Variants in TMX1 observed in about 807,000 individuals in gnomAD.
TMX1 encodes the protein thioredoxin related transmembrane protein 1.
Under a neutral mutation model 36.6 loss-of-function variants are expected in TMX1, and 25 were observed. The observed-to-expected ratio is 0.68, with a 90% CI of 0.50 to 0.95. TMX1 has a LOEUF of 0.95. Among genes scored for constraint, TMX1 ranks in the 40% least tolerant of loss-of-function variants. The pLI is 0.00. For synonymous variants in TMX1, 133 were observed against 118.0 expected, an observed-to-expected ratio of 1.13 and a Z score of -0.82; for missense variants, 347 against 339.6, an observed-to-expected ratio of 1.02 and a Z score of -0.17.
intron 1 of TMX1, 72 bp from the exon 2 acceptor site, chr14:51,243,784 A>G (rs2065772909): frequency 2.0e-6 from 2 of 990,064 alleles, no homozygotes; most frequent in East Asian, 3.1e-5. Flanking sequence ...ATACATTTAA[A>G]TTTTTTATCC....
chr14:51,256,685 T>G lies in TMX1; in HGVS notation c.*2166T>G, dbSNP rs2065840098. ...ATTATCAGAAAGACTGAAAAAAGTTTTAATGAAGAATTCTGGCTACATCTA... is the reference window on the plus strand; with the variant it reads ...ATTATCAGAAAGACTGAAAAAAGTTGTAATGAAGAATTCTGGCTACATCTA... On this transcript the variant is annotated 3_prime_UTR_variant, in exon 8 of 8. Coordinates refer to ENST00000457354, the MANE Select transcript of TMX1 (RefSeq NM_030755.5). 1 of 152,206 alleles carries G rather than the reference T, an allele frequency of 6.6e-6. No homozygotes were observed. The highest frequency in any genetic ancestry group is 2.1e-4 in the South Asian group (1 of 4,836). 9.4% of individuals were successfully genotyped at this position (152,206 alleles called of 1,614,324 possible). A position where few individuals can be genotyped will look rare whatever the true frequency, so the allele number is the denominator to read the frequency against.
intron 7 of TMX1, 138 bp downstream of exon 7, chr14:51,249,903 T>G: frequency 1.6e-6 from 1 of 630,922 alleles, no homozygotes; most frequent in South Asian, 2.4e-5. Flanking sequence ...AGCTATGGCA[T>G]AAAGGAAGGT....
chr14:51,244,919 C>G (rs574680491), intron 2 of TMX1, among the ~76,000 whole-genome samples: 3 of 152,098 alleles, frequency 2.0e-5, no homozygotes, highest in African/African-American at 7.2e-5. Context: ...TTAGCAGCAC[C>G]ATAAACTGCC....
rs945938203 is a variant in TMX1, at chr14:51,257,235, G to C, written c.*2716G>C. Reference sequence around the variant, plus strand: ...CTCGTGATGTTGGTTATTGCATAAAGTAAGTTATTGCAGTAAATGATGCTT... The same window carrying C: ...CTCGTGATGTTGGTTATTGCATAAACTAAGTTATTGCAGTAAATGATGCTT... On this transcript the variant is annotated 3_prime_UTR_variant, in exon 8 of 8. Coordinates refer to ENST00000457354, the MANE Select transcript of TMX1 (RefSeq NM_030755.5). 3.3e-5 allele frequency: 5 copies of C among 152,162 alleles called. No homozygotes were observed. Among genetic ancestry groups the C allele is most frequent in the African/African-American group, 1.2e-4 (5 of 41,440 alleles). 9.4% of individuals were successfully genotyped at this position (152,162 alleles called of 1,614,324 possible).
At chr14:51,249,637 C>T (rs2065802562) in intron 6 of TMX1, 56 bp from the exon 7 acceptor site, 11 of 1,593,958 alleles carry the variant, frequency 6.9e-6, no homozygotes, top group African/African-American at 2.7e-5. Flanking sequence ...AAAATAGTTA[C>T]ATTAGCTGTG....
chr14:51,241,895 C>T (rs373551512), intron 1 of TMX1, among the ~76,000 whole-genome samples: 12 of 152,236 alleles, frequency 7.9e-5, no homozygotes, highest in African/African-American at 2.6e-4. Flanking sequence ...TTTGGGAGGC[C>T]GAGGCCGGTG....
intron 1 of TMX1, 140 bp downstream of exon 1, chr14:51,240,584 C>G: frequency 7.9e-7 from 1 of 1,266,722 alleles, no homozygotes; most frequent in Non-Finnish European, 1.1e-6. Context: ...TGCAGCTCCC[C>G]AAACTCTTGG....
intron 7 of TMX1, among the ~76,000 whole-genome samples, 160 bp from the exon 8 acceptor site, chr14:51,254,180 GT>G (rs1468144565): frequency 6.6e-6 from 1 of 151,994 alleles, no homozygotes; most frequent in Non-Finnish European, 1.5e-5. Context: ...AATATTCATG[GT>G]TTTTTTTATC....
rs1016791135 is a variant in TMX1 at position 51,245,597 on chromosome 14, G to A, written c.314+239G>A. 4.3e-6 allele frequency: 4 copies of A among 940,902 alleles called. No homozygotes were observed. In the Admixed American group the frequency reaches 9.7e-5, roughly 23 times the overall value. The allele number at this position is 940,902 out of a possible 1,614,324, so 58.3% of individuals were successfully genotyped here. A position where few individuals can be genotyped will look rare whatever the true frequency, so the allele number is the denominator to read the frequency against. On this transcript the variant is annotated intron_variant, in intron 3 of 7. Transcript: ENST00000457354. ...TTGTTTTGGAAAGTGATGTTCTTGT[G>A]AAATGGTGTGATCCTGTTCAGCGTG... is the stretch of plus-strand genomic sequence containing the variant.
intron 4 of TMX1, among the ~76,000 whole-genome samples, chr14:51,247,557 C>G (rs1455770241): frequency 6.6e-6 from 1 of 152,032 alleles, no homozygotes; most frequent in Non-Finnish European, 1.5e-5. Flanking sequence ...CGGGGTTTCA[C>G]TGTGTTAGCC....
In TMX1 at chr14:51,249,729, A is replaced by C; in HGVS notation, c.628A>C (p.Lys210Gln). 1 of 1,613,564 alleles carries C rather than the reference A, an allele frequency of 6.2e-7. No homozygotes were observed. Among genetic ancestry groups the C allele is most frequent in the Non-Finnish European group, 8.5e-7 (1 of 1,179,682 alleles). The change falls in exon 7 of 8, where the codon AAA (lysine) becomes CAA (glutamine). Residue 210 changes from lysine to glutamine, a missense_variant. Coordinates refer to ENST00000457354, the MANE Select transcript of TMX1 (RefSeq NM_030755.5). ...TGTGGCAGATTGCCTTTGTCCTTCA[A>C]AAAGGCGCAGACCACAGCCGTACCC... ...IFVADCLCPS[K>Q]RRRPQPYPYP... is the part of the protein sequence containing the mutation.
chr14:51,252,349 C>G (rs1241998066), intron 7 of TMX1, among the ~76,000 whole-genome samples: 1 of 144,174 alleles, frequency 6.9e-6, no homozygotes, highest in Admixed American at 7.1e-5. Flanking sequence ...AATGCCTTTC[C>G]AAATCATTCA....
intron 7 of TMX1, among the ~76,000 whole-genome samples, chr14:51,253,636 TAA>T (rs1434860434): frequency 6.6e-6 from 1 of 152,200 alleles, no homozygotes; most frequent in Non-Finnish European, 1.5e-5. Context: ...AAGCTTAAGT[TAA>T]CTAGCAGCTG....
In TMX1 at chr14:51,255,842, T is replaced by C. The variant is rs757254524; in HGVS notation, c.*1323T>C. ...CAACTGACCATTACGTAGTAGACAA[T>C]TTCTGTAATGTCCCCTTCTTTCTAG... On this transcript the variant is annotated 3_prime_UTR_variant, in exon 8 of 8. Coordinates refer to ENST00000457354, the MANE Select transcript of TMX1 (RefSeq NM_030755.5). 1.3e-5 allele frequency: 2 copies of C among 152,322 alleles called. No individual in the cohort carries two copies. Among genetic ancestry groups the C allele is most frequent in the African/African-American group, 2.4e-5 (1 of 41,440 alleles). The allele number at this position is 152,322 out of a possible 1,614,324, so 9.4% of individuals were successfully genotyped here. A position where few individuals can be genotyped will look rare whatever the true frequency, so the allele number is the denominator to read the frequency against.
In TMX1 at chr14:51,249,748, C is replaced by CAAAA. The variant is rs1318542428; in HGVS notation, c.647_648insAAAA (p.Tyr217LysfsTer28). On this transcript the variant is annotated frameshift_variant, in exon 7 of 8. Transcript: ENST00000457354. LOFTEE classifies it high-confidence loss of function. ...CCTTCAAAAAGGCGCAGACCACAGC[C>CAAAA]GTACCCATACCCTTCAAGTAAGTAT... 6.2e-7 allele frequency: 1 copy of CAAAA among 1,611,002 alleles called. No homozygotes were observed. The highest frequency in any genetic ancestry group is 8.5e-7 in the Non-Finnish European group (1 of 1,177,982).
rs2065834894 is a variant in TMX1, at chr14:51,255,628, A to T, written c.*1109A>T. ...TAATGCTTGATGTTTTAAAATAATA[A>T]CATTTTTATATTTTTTAAAAGACAA... On this transcript the variant is annotated 3_prime_UTR_variant, in exon 8 of 8. Coordinates refer to ENST00000457354, the MANE Select transcript of TMX1 (RefSeq NM_030755.5). 1 of 152,066 alleles carries T rather than the reference A, an allele frequency of 6.6e-6. No individual in the cohort carries two copies. Among genetic ancestry groups the T allele is most frequent in the South Asian group, 2.1e-4 (1 of 4,832 alleles). 9.4% of individuals were successfully genotyped at this position (152,066 alleles called of 1,614,324 possible).
rs552210964 is a variant in TMX1 at position 51,240,745 on chromosome 14, A to G, written c.152+301A>G. On this transcript the variant is annotated intron_variant, in intron 1 of 7. Transcript: ENST00000457354. Reference sequence around the variant, plus strand: ...TCTGACATTTTTCATGACTTTGAGGATGCGACTGGGGCGCGGGGAGGGAGG... The same window carrying G: ...TCTGACATTTTTCATGACTTTGAGGGTGCGACTGGGGCGCGGGGAGGGAGG... Among the ~76,000 whole-genome samples, 10 of 152,308 alleles carry G rather than the reference A, an allele frequency of 6.6e-5. No homozygotes were observed. In the South Asian group the frequency reaches 2.1e-3, roughly 32 times the overall value.
rs1182819850 is a variant in TMX1 at position 51,249,674 on chromosome 14, A to T, written c.592-19A>T. 1 of 1,608,998 alleles carries T rather than the reference A, an allele frequency of 6.2e-7. No individual in the cohort carries two copies. Among genetic ancestry groups the T allele is most frequent in the East Asian group, 2.2e-5 (1 of 44,806 alleles). ...CATATATTCTACATTCAGATTTCTTACAATGTTTATTTTTACAGTGTATGA... is the reference window on the plus strand; with the variant it reads ...CATATATTCTACATTCAGATTTCTTTCAATGTTTATTTTTACAGTGTATGA... On this transcript the variant is annotated intron_variant, in intron 6 of 7. Transcript: ENST00000457354.
Position 51,252,447 on chromosome 14 carries a change from A to AT in TMX1, c.665-1888dup, listed in dbSNP as rs551194153. Among the ~76,000 whole-genome samples the AT allele has an allele frequency of 7.2e-3, 1,093 of 151,704 alleles. 6 individuals are homozygous for AT. The highest frequency in any genetic ancestry group is 0.012 in the Non-Finnish European group (790 of 67,880). ...TTAGTAGCAAAGCAGTATGACAGAC[A>AT]TTTTTTACCCTCTGAGCGTGTAACC... On this transcript the variant is annotated intron_variant, in intron 7 of 7. Coordinates refer to ENST00000457354, the MANE Select transcript of TMX1 (RefSeq NM_030755.5).
Sources: allele counts gnomAD v4.1 joint callset (sites outside exome capture counted in the v4.1 genomes callset), GRCh38; gene constraint gnomAD v4.1.1; transcripts MANE v1.5; gene names NCBI Gene and HGNC (gene_info 2026-07-23, HGNC 2026-07-21).